The following MEIOC variants were observed in gnomAD, a reference collection of about 807,000 sequenced individuals.
The protein encoded by MEIOC is meiosis-specific coiled-coil domain-containing protein MEIOC.
Under a neutral mutation model 85.3 loss-of-function variants are expected in MEIOC, and 9 were observed. The observed-to-expected ratio is 0.11, with a 90% CI of 0.06 to 0.18. The LOEUF is 0.18. Among genes scored for constraint, MEIOC ranks in the 10% least tolerant of loss-of-function variants. The pLI is 1.00. For synonymous variants in MEIOC, 365 were observed against 393.7 expected (o/e 0.93, Z 0.86); for missense variants, 898 against 1,129.4 (o/e 0.80, Z 2.94).
At position 44,666,635 on chromosome 17, in the gene MEIOC, A is replaced by G; in HGVS notation, c.724A>G (p.Ser242Gly). Residue 242 changes from serine to glycine, a missense_variant, in exon 5 of 8, where the codon AGT becomes GGT. Around this residue, in one of 2 missense-constraint regions of MEIOC, gnomAD observed 734 missense variants for 860.1 expected, o/e 0.85. Coordinates refer to ENST00000409122, the MANE Select transcript of MEIOC (RefSeq NM_001145080.3). ...AGAACAATGGATGTACCCCTCACGA[A>G]GTGATCATTCTAACTGTCACAATAT... Reference protein sequence around the residue: ...LEEQWMYPSRSDHSNCHNIQT... With the variant: ...LEEQWMYPSRGDHSNCHNIQT... The G allele has an allele frequency of 1.2e-6, 2 of 1,611,720 alleles. No individual in the cohort carries two copies. The highest frequency in any genetic ancestry group is 1.7e-6 in the Non-Finnish European group (2 of 1,178,734).
At chr17:44,663,364 T>A (rs544646396) in intron 3 of MEIOC, among the ~76,000 whole-genome samples, 2 of 152,108 alleles carry the variant, frequency 1.3e-5, no homozygotes, top group African/African-American at 4.8e-5. Context: ...GGGAGTGACA[T>A]CTATCTTTAA....
At chr17:44,676,829 C>CA (rs979356321), downstream of MEIOC, 69 of 456,852 alleles carry the variant, frequency 1.5e-4, no homozygotes, top group East Asian at 3.1e-4. Context: ...AAAAAACAAA[C>CA]AAAAAAAATA....
At position 44,667,095 on chromosome 17, in the gene MEIOC, C is replaced by G; in HGVS notation, c.1184C>G (p.Pro395Arg). The change falls in exon 5 of 8, where the codon CCA becomes CGA. Residue 395 changes from proline to arginine, a missense_variant. This residue lies in a region of MEIOC where 734 missense variants were observed against 860.1 expected (regional missense o/e 0.85). Transcript: ENST00000409122. The stretch of plus-strand genomic sequence containing the variant: ...CCTGATCAGCAGAATTTCACATTTC[C>G]AAAAACTACGCCACATCTGACAGAG... ...TIPDQQNFTF[P>R]KTTPHLTEKQ... is the part of the protein sequence containing the mutation. The G allele has an allele frequency of 6.2e-7, 1 of 1,613,658 alleles. No homozygotes were observed. Among genetic ancestry groups the G allele is most frequent in the Non-Finnish European group, 8.5e-7 (1 of 1,179,752 alleles).
intron 2 of MEIOC, 23 bp downstream of exon 2, chr17:44,657,284 T>G: frequency 6.5e-7 from 1 of 1,543,932 alleles, no homozygotes; most frequent in East Asian, 2.5e-5. Context: ...ACTCTGCCTC[T>G]GTTAGACGAT....
intron 6 of MEIOC, chr17:44,670,979 T>C (rs914835830): frequency 1.3e-5 from 2 of 152,176 alleles, no homozygotes; most frequent in Non-Finnish European, 2.9e-5. Context: ...AAACTTTTCC[T>C]TTTTTGACCT....
At chr17:44,662,191 A>C (rs1971851120) in intron 2 of MEIOC, 126 bp from the exon 3 acceptor site, 1 of 753,332 alleles carries the variant, frequency 1.3e-6, no homozygotes, top group Non-Finnish European at 2.1e-6. Context: ...TTAAGTCACT[A>C]AGTCTGCATT....
Position 44,674,269 on chromosome 17 carries a change from T to C in MEIOC, c.*73T>C, listed in dbSNP as rs1972046995. 1 of 1,467,804 alleles carries C rather than the reference T, an allele frequency of 6.8e-7. No individual in the cohort carries two copies. Among genetic ancestry groups the C allele is most frequent in the Non-Finnish European group, 9.0e-7 (1 of 1,110,934 alleles). The allele number at this position is 1,467,804 out of a possible 1,614,324, so 90.9% of individuals were successfully genotyped here. A position where few individuals can be genotyped will look rare whatever the true frequency, so the allele number is the denominator to read the frequency against. On this transcript the variant is annotated 3_prime_UTR_variant, in exon 8 of 8. Transcript: ENST00000409122. ...ACATGCTAAAAATGTTTTAATGAAC[T>C]TGTCAAACTTTCAGTATGTTTTCTT...
chr17:44,656,774 C>A, intron 1 of MEIOC, 92 bp downstream of exon 1: 2 of 640,514 alleles, frequency 3.1e-6, no homozygotes, highest in Non-Finnish European at 4.0e-6. Context: ...CGTCCCTAGA[C>A]GGGGCGGCAG....
Position 44,666,949 on chromosome 17 carries a change from T to C in MEIOC, c.1038T>C (p.Ser346=), listed in dbSNP as rs1022987747. ...KAKLNKCSNF[S]VQDSKKLANG... ...AGCTTAATAAATGTTCAAATTTTAG[T>C]GTCCAAGATAGCAAAAAATTAGCCA... The change falls in exon 5 of 8, where the codon AGT becomes AGC. Residue 346 remains serine, a synonymous_variant. Coordinates refer to ENST00000409122, the MANE Select transcript of MEIOC (RefSeq NM_001145080.3). 1 of 1,611,330 alleles carries C rather than the reference T, an allele frequency of 6.2e-7. No individual in the cohort carries two copies. The highest frequency in any genetic ancestry group is 8.5e-7 in the Non-Finnish European group (1 of 1,178,482).
chr17:44,673,116 T>G, intron 6 of MEIOC: 1 of 381,752 alleles, frequency 2.6e-6, no homozygotes, highest in Non-Finnish European at 4.7e-6. Flanking sequence ...TGTTTGAATA[T>G]TTAACATTTT....
In MEIOC at chr17:44,662,402, G is replaced by A. The variant is rs1345918495; in HGVS notation, c.290G>A (p.Cys97Tyr). Residue 97 changes from cysteine (C) to tyrosine (Y), a missense_variant, in exon 3 of 8, where the codon TGT becomes TAT. By Grantham distance (194) the Cys-to-Tyr change is radical. Around this residue, in one of 2 missense-constraint regions of MEIOC, gnomAD observed 734 missense variants for 860.1 expected, o/e 0.85. Coordinates refer to ENST00000409122, the MANE Select transcript of MEIOC (RefSeq NM_001145080.3). The stretch of plus-strand genomic sequence containing the variant: ...AGTTCTGTAGATTCTTCACTTTTCT[G>A]TGCACCATGGTCTACTTATGGAGAT... The part of the protein sequence containing the change: ...YSSSVDSSLF[C>Y]APWSTYGDDI... 6.5e-7 allele frequency: 1 copy of A among 1,549,382 alleles called. No homozygotes were observed.
Position 44,675,677 on chromosome 17 carries a change from T to A in MEIOC, c.*1481T>A. The A allele has an allele frequency of 1.0e-6, 1 of 985,202 alleles. No homozygotes were observed. Among genetic ancestry groups the A allele is most frequent in the Non-Finnish European group, 1.2e-6 (1 of 829,754 alleles). 61.0% of individuals were successfully genotyped at this position (985,202 alleles called of 1,614,324 possible). ...ATTGAGGGTAGTCAAATAAAATAGA[T>A]CATCTCACCACAGTCACTGCATAGA... On this transcript the variant is annotated 3_prime_UTR_variant, in exon 8 of 8. Transcript: ENST00000409122.
At position 44,667,531 on chromosome 17, in the gene MEIOC, T is replaced by C; in HGVS notation, c.1620T>C (p.Pro540=). ...TTCAGAAATATTGCCAAGAAAACCC[T>C]TCAGCATTTTCTAGTTTTGATTTTA... ...NLFQKYCQEN[P]SAFSSFDFSY... Residue 540 remains proline (P), a synonymous_variant, in exon 5 of 8, where the codon CCT becomes CCC. Transcript: ENST00000409122. 1 of 1,613,922 alleles carries C rather than the reference T, an allele frequency of 6.2e-7. No homozygotes were observed. Among genetic ancestry groups the C allele is most frequent in the Non-Finnish European group, 8.5e-7 (1 of 1,179,862 alleles).
Position 44,666,787 on chromosome 17 carries a change from A to G in MEIOC, c.876A>G (p.Arg292=), listed in dbSNP as rs1180764035. ...GAGTTGATATCTACCATTATGGAAG[A>G]GACAGAATATGTACTAAAGGTCTTG... The part of the protein sequence containing the change: ...ESGVDIYHYG[R]DRICTKGLEA... Residue 292 remains arginine, a synonymous_variant, in exon 5 of 8, where the codon AGA becomes AGG. Transcript: ENST00000409122. 6.2e-7 allele frequency: 1 copy of G among 1,613,442 alleles called. No individual in the cohort carries two copies. Among genetic ancestry groups the G allele is most frequent in the African/African-American group, 1.3e-5 (1 of 74,932 alleles).
Position 44,674,294 on chromosome 17 carries a change from T to C in MEIOC, c.*98T>C. 1 of 1,449,320 alleles carries C rather than the reference T, an allele frequency of 6.9e-7. No homozygotes were observed. Among genetic ancestry groups the C allele is most frequent in the Non-Finnish European group, 9.1e-7 (1 of 1,104,326 alleles). 89.8% of individuals were successfully genotyped at this position (1,449,320 alleles called of 1,614,324 possible). On this transcript the variant is annotated 3_prime_UTR_variant, in exon 8 of 8. Transcript: ENST00000409122. Reference sequence around the variant, plus strand: ...TTGTCAAACTTTCAGTATGTTTTCTTTCAGATTTAAAGTTAATACCAGTAC... The same window carrying C: ...TTGTCAAACTTTCAGTATGTTTTCTCTCAGATTTAAAGTTAATACCAGTAC...
chr17:44,657,096 T>G, intron 1 of MEIOC, 31 bp from the exon 2 acceptor site: 1 of 1,538,326 alleles, frequency 6.5e-7, no homozygotes, highest in Non-Finnish European at 8.8e-7. Context: ...CGTGACCACT[T>G]TCTGATATTT....
intron 3 of MEIOC, 154 bp from the exon 4 acceptor site, chr17:44,665,230 A>G: frequency 2.1e-6 from 2 of 947,744 alleles, no homozygotes; most frequent in Non-Finnish European, 2.8e-6. Context: ...ATTTATGTAG[A>G]AAAGAAAATA....
chr17:44,659,349 C>T (rs934853524), intron 2 of MEIOC, among the ~76,000 whole-genome samples: 1 of 152,118 alleles, frequency 6.6e-6, no homozygotes, highest in Non-Finnish European at 1.5e-5. Context: ...TGTTTACATC[C>T]GGACTAAAAT....
Position 44,669,515 on chromosome 17 carries a change from A to G in MEIOC, c.2455A>G (p.Arg819Gly). ...LIVDELRELARVVTLLGKMER... is the reference protein window; with the variant it reads ...LIVDELRELAGVVTLLGKMER... ...TGTGGATGAACTTCGAGAACTAGCC[A>G]GAGTAAGCTGTAAAAATAGATAACA... Residue 819 changes from arginine (R) to glycine (G), a missense_variant and splice_region_variant, in exon 6 of 8, where the codon AGA becomes GGA. By Grantham distance (125) the Arg-to-Gly change is moderately radical. Transcript: ENST00000409122. 1 of 1,551,972 alleles carries G rather than the reference A, an allele frequency of 6.4e-7. No homozygotes were observed. The highest frequency in any genetic ancestry group is 8.7e-7 in the Non-Finnish European group (1 of 1,147,112).
Sources: allele counts gnomAD v4.1 joint callset (sites outside exome capture counted in the v4.1 genomes callset), GRCh38; gene constraint gnomAD v4.1.1; regional missense constraint gnomAD v4.1.1; transcripts MANE v1.5; gene names NCBI Gene and HGNC (gene_info 2026-07-23, HGNC 2026-07-21).